Variants in MGME1 observed in about 807,000 individuals in gnomAD.
The protein encoded by MGME1 is chromosome 20 open reading frame 72.
MGME1 carries 22 observed loss-of-function variants against 33.0 expected under a neutral mutation model. The ratio of observed to expected loss-of-function variants is 0.67; its 90% CI spans 0.48 to 0.95. The LOEUF is 0.95. MGME1 is among the 40% of genes least tolerant of loss of function. The probability of loss-of-function intolerance (pLI) is 0.00; values close to 1 mark genes in which losing one functional copy is unlikely to be tolerated. For synonymous variants in MGME1, 133 were observed against 144.0 expected (o/e 0.92, Z 0.55); for missense variants, 383 against 397.8 (o/e 0.96, Z 0.32).
chr20:17,987,633 G>A (rs983624087), intron 3 of MGME1, among the ~76,000 whole-genome samples: 2 of 152,004 alleles, frequency 1.3e-5, no homozygotes, highest in Non-Finnish European at 2.9e-5. Flanking sequence ...TTTAGCCAGT[G>A]CTGCTCTAGA....
At chr20:17,989,371 G>A (rs1226344214) in intron 4 of MGME1, among the ~76,000 whole-genome samples, 2 of 142,706 alleles carry the variant, frequency 1.4e-5, no homozygotes, top group African/African-American at 2.8e-5. Flanking sequence ...GGGCAACAGA[G>A]CAAGACTGTC....
chr20:17,975,425 C>T (rs907931029), intron 2 of MGME1, among the ~76,000 whole-genome samples: 29 of 151,968 alleles, frequency 1.9e-4, no homozygotes, highest in African/African-American at 5.6e-4. Context: ...GGCACGGTGG[C>T]GGGCGCCTGT....
At chr20:17,985,986 T>G (rs1005585876) in intron 3 of MGME1, among the ~76,000 whole-genome samples, 3 of 152,214 alleles carry the variant, frequency 2.0e-5, no homozygotes, top group African/African-American at 7.2e-5. Flanking sequence ...CACTCAAGAT[T>G]GCTTTGGCTA....
intron 3 of MGME1, 60 bp downstream of exon 3, chr20:17,975,963 T>G (rs932012473): frequency 1.5e-4 from 207 of 1,353,592 alleles, no homozygotes; most frequent in Middle Eastern, 1.2e-3. Flanking sequence ...CTGTCAAAGG[T>G]GTGCCTGTAG....
chr20:17,975,876 G>C lies in MGME1; in HGVS notation c.704G>C (p.Gly235Ala). ...AVQHETLNYI[G>A]LLDCVAEYQG... is the part of the protein sequence containing the mutation. ...CAACATGAAACCTTAAACTATATAGGTCTGCTGGACTGTGTGGCTGAGTAT... is the reference window on the plus strand; with the variant it reads ...CAACATGAAACCTTAAACTATATAGCTCTGCTGGACTGTGTGGCTGAGTAT... The change falls in exon 3 of 5, where the codon GGT becomes GCT. Residue 235 changes from glycine to alanine, a missense_variant. By Grantham distance (60) the Gly-to-Ala change is moderately conservative. Transcript: ENST00000377710. 1 of 1,614,010 alleles carries C rather than the reference G, an allele frequency of 6.2e-7. No individual in the cohort carries two copies. Among genetic ancestry groups the C allele is most frequent in the Non-Finnish European group, 8.5e-7 (1 of 1,179,932 alleles).
Position 17,969,438 on chromosome 20 carries a change from A to T in MGME1, c.-60+297A>T, listed in dbSNP as rs16978664. ...TATCCACACAGAATACTTAGCAGAGAGCCTGGTGTCTAGGAATTAGTCGTC... is the reference window on the plus strand; with the variant it reads ...TATCCACACAGAATACTTAGCAGAGTGCCTGGTGTCTAGGAATTAGTCGTC... On this transcript the variant is annotated intron_variant, in intron 1 of 4. Coordinates refer to ENST00000377710, the MANE Select transcript of MGME1 (RefSeq NM_052865.4). Among the ~76,000 whole-genome samples, 23 of 152,344 alleles carry T rather than the reference A, an allele frequency of 1.5e-4. No homozygotes were observed. The East Asian group carries it at 3.1e-3, about 20-fold the overall frequency.
intron 3 of MGME1, among the ~76,000 whole-genome samples, chr20:17,977,374 CAA>C (rs1293460946): frequency 4.2e-5 from 5 of 117,982 alleles, no homozygotes; most frequent in East Asian, 2.4e-4. Context: ...GACTCTGTCT[CAA>C]AAAAAAAAAA....
rs569994249 is a variant in MGME1, at chr20:17,972,618, G to A, written c.511+2248G>A. The A allele has an allele frequency of 1.7e-5, 16 of 960,712 alleles. No homozygotes were observed. In the East Asian group the frequency reaches 1.8e-3, roughly 111 times the overall value. The allele number at this position is 960,712 out of a possible 1,614,324, so 59.5% of individuals were successfully genotyped here. A position where few individuals can be genotyped will look rare whatever the true frequency, so the allele number is the denominator to read the frequency against. ...ATAAGCAGACTTGATGCTACATGCA[G>A]TGAATATTCTTGGATCATTTTTTAT... On this transcript the variant is annotated intron_variant, in intron 2 of 4. Transcript: ENST00000377710.
chr20:17,971,277 A>G (rs2035722778), intron 2 of MGME1, among the ~76,000 whole-genome samples: 1 of 152,242 alleles, frequency 6.6e-6, no homozygotes, highest in African/African-American at 2.4e-5. Flanking sequence ...GGTATTGGAT[A>G]TGTACCAAAT....
At chr20:17,986,191 C>T (rs945914118) in intron 3 of MGME1, among the ~76,000 whole-genome samples, 1 of 152,058 alleles carries the variant, frequency 6.6e-6, no homozygotes, top group Non-Finnish European at 1.5e-5. Context: ...GCCTCAGCCT[C>T]CCGAGTAGCT....
chr20:17,972,455 T>G (rs1031150828), intron 2 of MGME1, among the ~76,000 whole-genome samples: 70 of 123,018 alleles, frequency 5.7e-4, no homozygotes, highest in African/African-American at 2.0e-3. Context: ...TTTTTTTTTT[T>G]GCTACGCTGA....
At chr20:17,988,094 A>G in intron 3 of MGME1, 72 bp from the exon 4 acceptor site, 1 of 1,421,160 alleles carries the variant, frequency 7.0e-7, no homozygotes, top group Non-Finnish European at 9.6e-7. Context: ...TATACATAAG[A>G]GAACTGTTAA....
chr20:17,969,864 A>G lies in MGME1; in HGVS notation c.5A>G (p.Lys2Arg), dbSNP rs747649846. The G allele has an allele frequency of 4.4e-6, 7 of 1,603,772 alleles. No individual in the cohort carries two copies. Among genetic ancestry groups the G allele is most frequent in the Non-Finnish European group, 6.0e-6 (7 of 1,176,464 alleles). ...CTAAAGTGAAAACAAATCTGAATGAAGATGAAGTTATTTCAGACCATTTGC... is the reference window on the plus strand; with the variant it reads ...CTAAAGTGAAAACAAATCTGAATGAGGATGAAGTTATTTCAGACCATTTGC... Reference protein sequence around the residue: MKMKLFQTICRQ... With the variant: MRMKLFQTICRQ... The change falls in exon 2 of 5, where the codon AAG (lysine) becomes AGG (arginine). Residue 2 changes from lysine (K) to arginine (R), a missense_variant. By Grantham distance (26) the Lys-to-Arg change is conservative. Transcript: ENST00000377710.
intron 3 of MGME1, among the ~76,000 whole-genome samples, chr20:17,987,705 T>C (rs1049849662): frequency 1.8e-4 from 27 of 152,218 alleles, no homozygotes; most frequent in African/African-American, 6.5e-4. Flanking sequence ...TATACATGCT[T>C]TGTACAAAAT....
chr20:17,970,804 C>T (rs903075522), intron 2 of MGME1, among the ~76,000 whole-genome samples: 1 of 152,148 alleles, frequency 6.6e-6, no homozygotes, highest in Non-Finnish European at 1.5e-5. Context: ...AATTTAAAGA[C>T]CTTGAAGCAG....
Position 17,988,167 on chromosome 20 carries a change from G to T in MGME1, c.733G>T (p.Gly245Cys). Residue 245 changes from glycine to cysteine, a missense_variant and splice_region_variant, in exon 4 of 5, where the codon GGC becomes TGC. By Grantham distance (159) the Gly-to-Cys change is radical (BLOSUM62 -3). Transcript: ENST00000377710. ...AGTCTTCCTGTGGTTTCTCTTTAGG[G>T]GCAAGCTCTGTGTGATTGATTGGAA... ...GLLDCVAEYQGKLCVIDWKTS... is the reference protein window; with the variant it reads ...GLLDCVAEYQCKLCVIDWKTS... 6.2e-7 allele frequency: 1 copy of T among 1,611,730 alleles called. No individual in the cohort carries two copies. The highest frequency in any genetic ancestry group is 8.5e-7 in the Non-Finnish European group (1 of 1,179,120).
chr20:17,969,396 G>A (rs1235281692), intron 1 of MGME1, among the ~76,000 whole-genome samples: 1 of 152,246 alleles, frequency 6.6e-6, no homozygotes, highest in Non-Finnish European at 1.5e-5. Flanking sequence ...TAGAGGGTGT[G>A]AGGACCAAAT....
At position 17,988,272 on chromosome 20, in the gene MGME1, A is replaced by C; in HGVS notation, c.838A>C (p.Asn280His). 1 of 1,614,034 alleles carries C rather than the reference A, an allele frequency of 6.2e-7. No individual in the cohort carries two copies. Among genetic ancestry groups the C allele is most frequent in the Non-Finnish European group, 8.5e-7 (1 of 1,179,914 alleles). The change falls in exon 4 of 5, where the codon AAC becomes CAC. Residue 280 changes from asparagine (N) to histidine (H), a missense_variant. Coordinates refer to ENST00000377710, the MANE Select transcript of MGME1 (RefSeq NM_052865.4). ...LQVVAYMGAMNHDTNYSFQVQ... is the reference protein window; with the variant it reads ...LQVVAYMGAMHHDTNYSFQVQ... ...AGTTGTGGCATACATGGGTGCCATG[A>C]ACCATGATACCAACTACAGCTTTCA...
intron 3 of MGME1, among the ~76,000 whole-genome samples, chr20:17,984,659 G>A (rs564977004): frequency 1.3e-5 from 2 of 152,210 alleles, no homozygotes; most frequent in South Asian, 4.1e-4. Context: ...AGGCTAATGT[G>A]TATGTTTGTG....
Sources: gnomAD v4.1 joint callset for allele counts (sites outside exome capture counted in the v4.1 genomes callset) on GRCh38, gnomAD v4.1.1 for gene constraint, MANE v1.5 for transcripts, NCBI Gene and HGNC (gene_info 2026-07-23, HGNC 2026-07-21) for gene names.